Variants in KIAA0319 observed in about 807,000 individuals in gnomAD.
KIAA0319 encodes the protein KIAA0319, also known as dyslexia-associated protein KIAA0319.
A neutral mutation model predicts 108.4 loss-of-function variants in KIAA0319; 83 were observed. The ratio of observed to expected loss-of-function variants is 0.77; its 90% CI spans 0.64 to 0.92. KIAA0319 has a LOEUF of 0.92. Among genes scored for constraint, KIAA0319 ranks in the 40% least tolerant of loss-of-function variants. The pLI is 0.00. For missense variants in KIAA0319, 1,195 were observed against 1,322.4 expected (o/e 0.90, Z 1.49); for synonymous variants, 484 against 510.4 (o/e 0.95, Z 0.70).
intron 18 of KIAA0319, 67 bp downstream of exon 18, chr6:24,556,540 T>G: frequency 1.3e-6 from 2 of 1,549,390 alleles, no homozygotes; most frequent in Non-Finnish European, 1.8e-6. Flanking sequence ...AGGCAGATAT[T>G]TCTGATACCT....
At chr6:24,582,818 T>C (rs1324440152) in intron 5 of KIAA0319, among the ~76,000 whole-genome samples, 7 of 152,152 alleles carry the variant, frequency 4.6e-5, no homozygotes, top group Admixed American at 3.9e-4. Context: ...TTTGATCTGT[T>C]GTAGGGGTTT....
At chr6:24,618,623 C>T (rs1195036886) in intron 1 of KIAA0319, among the ~76,000 whole-genome samples, 2 of 151,768 alleles carry the variant, frequency 1.3e-5, no homozygotes, top group Non-Finnish European at 2.9e-5. Flanking sequence ...AAAACACCCC[C>T]AAACAACAAC....
At chr6:24,559,181 C>T (rs780001408) in intron 16 of KIAA0319, 26 bp from the exon 17 acceptor site, 4 of 1,608,810 alleles carry the variant, frequency 2.5e-6, no homozygotes, top group African/African-American at 1.3e-5. Context: ...TGAGAGAGGA[C>T]AGCCACATGG....
intron 18 of KIAA0319, among the ~76,000 whole-genome samples, 158 bp downstream of exon 18, chr6:24,556,449 G>T (rs937845717): frequency 6.6e-6 from 1 of 152,114 alleles, no homozygotes; most frequent in Non-Finnish European, 1.5e-5. Flanking sequence ...CTACAGGCAT[G>T]CATCACCATG....
intron 1 of KIAA0319, among the ~76,000 whole-genome samples, chr6:24,628,862 AG>A (rs1775096810): frequency 6.6e-6 from 1 of 152,020 alleles, no homozygotes; most frequent in South Asian, 2.1e-4. Flanking sequence ...TCCTCTTATA[AG>A]GGCACCAGTC....
intron 1 of KIAA0319, among the ~76,000 whole-genome samples, chr6:24,627,697 C>T (rs1423860611): frequency 6.6e-6 from 1 of 152,160 alleles, no homozygotes; most frequent in Admixed American, 6.5e-5. Flanking sequence ...ACCAAAGTAA[C>T]CTTTCCTACT....
At chr6:24,629,816 T>A (rs1775280531) in intron 1 of KIAA0319, among the ~76,000 whole-genome samples, 1 of 152,160 alleles carries the variant, frequency 6.6e-6, no homozygotes, top group African/African-American at 2.4e-5. Flanking sequence ...TGTGCTTTTA[T>A]TGGCTGCATC....
chr6:24,564,517 C>A (rs570022630), intron 14 of KIAA0319, among the ~76,000 whole-genome samples, 177 bp from the exon 15 acceptor site: 1 of 152,296 alleles, frequency 6.6e-6, no homozygotes, highest in South Asian at 2.1e-4. Flanking sequence ...CTCAGCATCT[C>A]TTCCCCAAAA....
intron 1 of KIAA0319, among the ~76,000 whole-genome samples, chr6:24,632,356 G>A (rs1475751593): frequency 6.6e-6 from 1 of 151,674 alleles, no homozygotes. Flanking sequence ...GAATATTCTA[G>A]CTGAATCGGT....
At chr6:24,630,686 T>C in intron 1 of KIAA0319, among the ~76,000 whole-genome samples, 1 of 67,122 alleles carries the variant, frequency 1.5e-5, no homozygotes. Context: ...TATATGTGTA[T>C]ATATATATAT....
chr6:24,547,276 G>T lies in KIAA0319; in HGVS notation c.3108C>A (p.Asp1036Glu), dbSNP rs1227494138. 1.9e-6 allele frequency: 3 copies of T among 1,614,002 alleles called. No individual in the cohort carries two copies. The highest frequency in any genetic ancestry group is 2.5e-6 in the Non-Finnish European group (3 of 1,179,990). Reference protein sequence around the residue: ...LMVSESEFDSDQDTIFSREKM... With the variant: ...LMVSESEFDSEQDTIFSREKM... ...TTTCTCGGCTGAAGATTGTGTCCTG[G>T]TCACTGTCAAACTCAGACTCGGATA... Residue 1036 changes from aspartate (D) to glutamate (E), a missense_variant, in exon 21 of 21, where the codon GAC becomes GAA. Coordinates refer to ENST00000378214, the MANE Select transcript of KIAA0319 (RefSeq NM_014809.4).
chr6:24,596,656 TA>T, intron 2 of KIAA0319, 38 bp from the exon 3 acceptor site: 1 of 1,549,382 alleles, frequency 6.5e-7, no homozygotes, highest in Non-Finnish European at 8.7e-7. Flanking sequence ...GAGAGAGGCA[TA>T]TCACAGGGAA....
In KIAA0319 at chr6:24,566,728, C is replaced by T. The variant is rs770907752; in HGVS notation, c.2161G>A (p.Ala721Thr). Reference sequence around the variant, plus strand: ...AGAACATGTCTGCCACCAGCCCGGGCTCTGGGAGGACTATTATTTTCTAAG... The same window carrying T: ...AGAACATGTCTGCCACCAGCCCGGGTTCTGGGAGGACTATTATTTTCTAAG... ...VKKENNSPPR[A>T]RAGGRHVLVL... The change falls in exon 14 of 21, where the codon GCC (alanine) becomes ACC (threonine). Residue 721 changes from alanine to threonine, a missense_variant. Transcript: ENST00000378214. 6.2e-7 allele frequency: 1 copy of T among 1,610,104 alleles called. No homozygotes were observed. The highest frequency in any genetic ancestry group is 1.1e-5 in the South Asian group (1 of 89,900).
intron 1 of KIAA0319, among the ~76,000 whole-genome samples, chr6:24,624,030 T>C (rs1426916819): frequency 1.4e-5 from 2 of 141,076 alleles, no homozygotes; most frequent in African/African-American, 5.3e-5. Context: ...TTTTTTTTTT[T>C]TTTTTTTTTT....
Position 24,572,580 on chromosome 6 carries a change from T to C in KIAA0319, c.1853A>G (p.Gln618Arg), listed in dbSNP as rs1473399479. 1.2e-6 allele frequency: 2 copies of C among 1,612,294 alleles called. No individual in the cohort carries two copies. Among genetic ancestry groups the C allele is most frequent in the Non-Finnish European group, 1.7e-6 (2 of 1,179,560 alleles). ...TCTCTTTCTCCTCCACCTACCAGGC[T>C]GGACAATCACAGTCACCACAGCAGT... ...QSTAVVTVIV[Q>R]PENNRPPVAV... The change falls in exon 11 of 21, where the codon CAG (glutamine) becomes CGG (arginine). Residue 618 changes from glutamine to arginine, a missense_variant. Transcript: ENST00000378214.
chr6:24,595,530 G>C (rs907208488), intron 3 of KIAA0319, among the ~76,000 whole-genome samples: 2 of 130,536 alleles, frequency 1.5e-5, no homozygotes, highest in South Asian at 2.6e-4. Context: ...CTGGGCGACA[G>C]AGCGAGATTC....
intron 14 of KIAA0319, among the ~76,000 whole-genome samples, chr6:24,566,323 A>T (rs536377454): frequency 6.6e-6 from 1 of 152,306 alleles, no homozygotes; most frequent in East Asian, 1.9e-4. Flanking sequence ...GAGACACCAG[A>T]GTGCTCTCTC....
intron 1 of KIAA0319, among the ~76,000 whole-genome samples, chr6:24,641,917 A>T (rs1277359691): frequency 1.3e-5 from 2 of 150,998 alleles, no homozygotes; most frequent in African/African-American, 2.4e-5. Flanking sequence ...CTGTAGTCTC[A>T]GTTACTCAGG....
chr6:24,585,300 T>C (rs1211141868), intron 4 of KIAA0319, among the ~76,000 whole-genome samples: 1 of 151,156 alleles, frequency 6.6e-6, no homozygotes, highest in Non-Finnish European at 1.5e-5. Context: ...CAAACCCGCA[T>C]CTCATTTTAT....
Sources: gnomAD v4.1 joint callset for allele counts (sites outside exome capture counted in the v4.1 genomes callset) on GRCh38, gnomAD v4.1.1 for gene constraint, MANE v1.5 for transcripts, NCBI Gene and HGNC (gene_info 2026-07-23, HGNC 2026-07-21) for gene names.